The following PLCL1 variants were observed in gnomAD, a reference collection of about 807,000 sequenced individuals.
PLCL1 encodes phospholipase C like 1 (inactive), also known as inactive phospholipase C-like protein 1.
In PLCL1, 41 loss-of-function variants were observed where a neutral mutation model predicts 84.4. That is an observed-to-expected ratio of 0.49 (90% CI 0.38 to 0.63). PLCL1 has a LOEUF of 0.63. PLCL1 is among the 30% of genes least tolerant of loss of function. PLCL1 has a pLI of 0.00. For missense variants in PLCL1, 1,206 were observed against 1,367.8 expected (o/e 0.88, Z 1.87); for synonymous variants, 490 against 488.3 (o/e 1.00, Z -0.05).
intron 1 of PLCL1, among the ~76,000 whole-genome samples, chr2:197,966,075 C>T (rs555714859): frequency 4.3e-4 from 65 of 152,094 alleles, no homozygotes; most frequent in Non-Finnish European, 4.9e-4. Flanking sequence ...GTCATCTGGG[C>T]ATCCAGGAGA....
intron 1 of PLCL1, among the ~76,000 whole-genome samples, chr2:197,887,514 C>T (rs1687944588): frequency 6.6e-6 from 1 of 152,070 alleles, no homozygotes; most frequent in Non-Finnish European, 1.5e-5. Context: ...ACATGCACTC[C>T]CCACTGATGG....
At chr2:197,896,045 C>T (rs1228413625) in intron 1 of PLCL1, among the ~76,000 whole-genome samples, 2 of 151,878 alleles carry the variant, frequency 1.3e-5, no homozygotes, top group African/African-American at 4.8e-5. Context: ...TAGAATTATA[C>T]ATTTGAGAGA....
intron 3 of PLCL1, among the ~76,000 whole-genome samples, chr2:198,094,270 C>T (rs1214496498): frequency 6.6e-6 from 1 of 152,108 alleles, no homozygotes; most frequent in South Asian, 2.1e-4. Context: ...ACCATGTTAG[C>T]CAGGATGGTC....
chr2:198,036,780 A>AGACC (rs1691559301), intron 1 of PLCL1, among the ~76,000 whole-genome samples: 1 of 152,346 alleles, frequency 6.6e-6, no homozygotes, highest in Non-Finnish European at 1.5e-5. Flanking sequence ...CTACACACAG[A>AGACC]GACCATTGAT....
At chr2:198,037,223 G>T (rs1574264740) in intron 1 of PLCL1, among the ~76,000 whole-genome samples, 1 of 152,278 alleles carries the variant, frequency 6.6e-6, no homozygotes, top group Middle Eastern at 3.4e-3. Flanking sequence ...GATTATTAAA[G>T]TCTTAGGTGT....
intron 1 of PLCL1, among the ~76,000 whole-genome samples, chr2:197,903,084 A>C (rs1037507845): frequency 6.6e-6 from 1 of 152,186 alleles, no homozygotes; most frequent in Admixed American, 6.5e-5. Context: ...GCGTGTTTTG[A>C]TACTACCATT....
chr2:198,023,925 C>T (rs746665977), intron 1 of PLCL1, among the ~76,000 whole-genome samples: 2 of 152,176 alleles, frequency 1.3e-5, no homozygotes, highest in Non-Finnish European at 2.9e-5. Context: ...ATAAATCATT[C>T]TACTATAAAG....
chr2:197,882,535 T>C (rs1298952260), intron 1 of PLCL1, among the ~76,000 whole-genome samples: 1 of 152,180 alleles, frequency 6.6e-6, no homozygotes, highest in Non-Finnish European at 1.5e-5. Context: ...TTCCCAACAA[T>C]GCTAAAGCAC....
intron 1 of PLCL1, among the ~76,000 whole-genome samples, chr2:197,903,468 A>ATTTTTTT (rs3056105): frequency 0.016 from 771 of 47,810 alleles, 121 homozygotes; most frequent in Middle Eastern, 0.056. Context: ...CTCCATTTAA[A>ATTTTTTT]TTTTTTTTTT....
chr2:197,805,365 A>G lies in PLCL1; in HGVS notation c.240+26A>G. ...GTAAGCAAAGCCGCGCCGCACCGGGAGCGTGGCTGTGGGTGATGGGTGGGT... is the reference window on the plus strand; with the variant it reads ...GTAAGCAAAGCCGCGCCGCACCGGGGGCGTGGCTGTGGGTGATGGGTGGGT... On this transcript the variant is annotated intron_variant, in intron 1 of 5. Transcript: ENST00000428675. The surrounding 1 kb of genome is among the most constrained non-coding windows in gnomAD (Gnocchi z 4.0). 4 of 1,336,472 alleles carry G rather than the reference A, an allele frequency of 3.0e-6. No homozygotes were observed. The highest frequency in any genetic ancestry group is 2.9e-6 in the Non-Finnish European group (3 of 1,049,248). 82.8% of individuals were successfully genotyped at this position (1,336,472 alleles called of 1,614,324 possible).
chr2:197,932,124 C>T (rs558407431), intron 1 of PLCL1, among the ~76,000 whole-genome samples: 11 of 152,128 alleles, frequency 7.2e-5, no homozygotes, highest in Non-Finnish European at 1.6e-4. Context: ...TGGGTCATTG[C>T]TACTCATATT....
intron 1 of PLCL1, among the ~76,000 whole-genome samples, chr2:197,866,291 T>C (rs1190209215): frequency 6.7e-6 from 1 of 150,234 alleles, no homozygotes; most frequent in Admixed American, 6.7e-5. Context: ...CAAAAATATC[T>C]TGAACATTTG....
At chr2:198,058,694 A>T (rs1692121636) in intron 1 of PLCL1, among the ~76,000 whole-genome samples, 1 of 152,042 alleles carries the variant, frequency 6.6e-6, no homozygotes, top group Admixed American at 6.6e-5. Flanking sequence ...AATCTAAAAG[A>T]TAGCTGTTTT....
chr2:197,903,991 C>T (rs1480472300), intron 1 of PLCL1, among the ~76,000 whole-genome samples: 8 of 151,246 alleles, frequency 5.3e-5, no homozygotes, highest in African/African-American at 9.7e-5. Flanking sequence ...TTAGTAGAGA[C>T]GGTGTTTCAC....
At chr2:198,035,499 G>GT (rs1691534497) in intron 1 of PLCL1, among the ~76,000 whole-genome samples, 1 of 152,054 alleles carries the variant, frequency 6.6e-6, no homozygotes, top group African/African-American at 2.4e-5. Context: ...GTTTGTTTTT[G>GT]GTTTTTTTCC....
intron 1 of PLCL1, among the ~76,000 whole-genome samples, chr2:198,047,646 T>G (rs992286090): frequency 6.6e-6 from 1 of 152,170 alleles, no homozygotes; most frequent in Non-Finnish European, 1.5e-5. Flanking sequence ...ATAAATAACA[T>G]GGCACACAGT....
intron 1 of PLCL1, among the ~76,000 whole-genome samples, chr2:197,962,680 A>G (rs1233761426): frequency 6.6e-6 from 1 of 151,972 alleles, no homozygotes; most frequent in African/African-American, 2.4e-5. Context: ...ATCAAATACT[A>G]AGCCTTATTC....
At position 197,903,468 on chromosome 2, in the gene PLCL1, A is replaced by ATTTTTTTTTTT. The variant is rs3056105; in HGVS notation, c.240+98152_240+98162dup. ...GTATCTTCCTTTTTACTCCATTTAA[A>ATTTTTTTTTTT]TTTTTTTTTTTTTTTTTTTTTTTTT... On this transcript the variant is annotated intron_variant, in intron 1 of 5. Coordinates refer to ENST00000428675, the MANE Select transcript of PLCL1 (RefSeq NM_006226.4). Among the ~76,000 whole-genome samples, 122 of 47,798 alleles carry ATTTTTTTTTTT rather than the reference A, an allele frequency of 2.6e-3. 14 individuals carry two copies. The highest frequency in any genetic ancestry group is 0.028 in the Middle Eastern group (1 of 36). 31.4% of individuals were successfully genotyped at this position (47,798 alleles called of 152,430 possible).
At chr2:198,069,859 A>G (rs1359487099) in intron 1 of PLCL1, among the ~76,000 whole-genome samples, 10 of 152,226 alleles carry the variant, frequency 6.6e-5, no homozygotes, top group Non-Finnish European at 4.4e-5. Context: ...AGAGATGGGC[A>G]GAAATTATTT....
Sources: allele counts gnomAD v4.1 joint callset (sites outside exome capture counted in the v4.1 genomes callset), GRCh38; gene constraint gnomAD v4.1.1; non-coding constraint Gnocchi (gnomAD v3.1); transcripts MANE v1.5; gene names NCBI Gene and HGNC (gene_info 2026-07-23, HGNC 2026-07-21).